Variants in NOL11 observed in about 807,000 individuals in gnomAD.
NOL11 encodes nucleolar protein 11.
NOL11 carries 42 observed loss-of-function variants against 93.0 expected under a neutral mutation model. That is an observed-to-expected ratio of 0.45 (90% CI 0.35 to 0.58). NOL11 has a LOEUF of 0.58. Among genes scored for constraint, NOL11 ranks in the 20% least tolerant of loss-of-function variants. The probability of loss-of-function intolerance (pLI) is 0.00; values close to 1 mark genes in which losing one functional copy is unlikely to be tolerated. For missense variants in NOL11, 775 were observed against 841.8 expected, an observed-to-expected ratio of 0.92 and a Z score of 0.98; for synonymous variants, 296 against 293.7, an observed-to-expected ratio of 1.01 and a Z score of -0.08.
At chr17:67,735,513 T>A (rs912041077) in intron 8 of NOL11, among the ~76,000 whole-genome samples, 2 of 152,062 alleles carry the variant, frequency 1.3e-5, no homozygotes, top group Admixed American at 1.3e-4. Context: ...TGTCTTATTT[T>A]TACAATCATA....
intron 5 of NOL11, 96 bp from the exon 6 acceptor site, chr17:67,723,953 T>G (rs1018840646): frequency 5.2e-5 from 40 of 775,752 alleles, no homozygotes; most frequent in Non-Finnish European, 7.8e-5. Context: ...TACTCATTGA[T>G]GTAAGTAGAA....
At chr17:67,727,638 C>G (rs898422029) in intron 7 of NOL11, among the ~76,000 whole-genome samples, 1 of 150,760 alleles carries the variant, frequency 6.6e-6, no homozygotes, top group Admixed American at 6.6e-5. Context: ...GCCTGGGCAA[C>G]AAGAGCGAAA....
intron 3 of NOL11, chr17:67,720,277 G>A (rs1190304040): frequency 5.6e-6 from 1 of 177,700 alleles, no homozygotes; most frequent in South Asian, 1.7e-4. Flanking sequence ...GACCCTGCAA[G>A]TTTCGTGTAT....
intron 8 of NOL11, among the ~76,000 whole-genome samples, chr17:67,734,914 ACTTC>A (rs1411065077): frequency 1.3e-5 from 2 of 152,202 alleles, no homozygotes; most frequent in Non-Finnish European, 2.9e-5. Context: ...TGTTGAAATC[ACTTC>A]CAAAATTCTA....
At chr17:67,733,319 C>G (rs911130992) in intron 7 of NOL11, among the ~76,000 whole-genome samples, 4 of 152,182 alleles carry the variant, frequency 2.6e-5, no homozygotes, top group East Asian at 3.9e-4. Flanking sequence ...GAGCCAAGAT[C>G]GTGCCACTGC....
At chr17:67,724,332 C>CTTTTT (rs34287872) in intron 6 of NOL11, 139 bp downstream of exon 6, 4 of 250,744 alleles carry the variant, frequency 1.6e-5, no homozygotes, top group Non-Finnish European at 2.1e-5. Context: ...CATGCCTTCA[C>CTTTTT]TTTTTTTTTT....
At chr17:67,738,398 A>G (rs1542610) in intron 14 of NOL11, 43 bp downstream of exon 14, 1,131,177 of 1,277,716 alleles carry the variant, frequency 0.89, 501,157 homozygotes, top group East Asian at 0.96. Context: ...TCTTTATAGG[A>G]TATAGTTATA....
At chr17:67,733,197 T>C (rs567915956) in intron 7 of NOL11, among the ~76,000 whole-genome samples, 1 of 151,850 alleles carries the variant, frequency 6.6e-6, no homozygotes, top group Non-Finnish European at 1.5e-5. Flanking sequence ...AACCCCTGTC[T>C]CTACTAAAAT....
intron 7 of NOL11, among the ~76,000 whole-genome samples, chr17:67,731,953 C>T (rs1055009881): frequency 4.6e-5 from 7 of 152,056 alleles, no homozygotes; most frequent in African/African-American, 1.7e-4. Flanking sequence ...TGTTTAGGCC[C>T]CTTACAATTA....
intron 6 of NOL11, among the ~76,000 whole-genome samples, chr17:67,726,089 A>G (rs1033050325): frequency 6.6e-6 from 1 of 152,182 alleles, no homozygotes; most frequent in Admixed American, 6.5e-5. Flanking sequence ...CTGTCTCAAA[A>G]AAACAAACAA....
intron 8 of NOL11, among the ~76,000 whole-genome samples, chr17:67,735,430 TATC>T (rs1026731563): frequency 6.6e-6 from 1 of 152,084 alleles, no homozygotes; most frequent in African/African-American, 2.4e-5. Context: ...TTATTTGTTT[TATC>T]ATTTTATTAT....
chr17:67,727,572 G>A (rs923346819), intron 7 of NOL11, among the ~76,000 whole-genome samples: 1 of 151,976 alleles, frequency 6.6e-6, no homozygotes, highest in Admixed American at 6.6e-5. Flanking sequence ...CAGGAGGATC[G>A]CTTGAACCTG....
At position 67,717,958 on chromosome 17, in the gene NOL11, T is replaced by TA; in HGVS notation, c.11_12insA (p.Glu5GlyfsTer16). ...TTAGGTTTGCTCAAAATGGCAGCGC[T>TA]GGAGGAAGAATTCACGTTGTCTTCG... is the stretch of plus-strand genomic sequence containing the variant. On this transcript the variant is annotated frameshift_variant, in exon 1 of 18. Coordinates refer to ENST00000253247, the MANE Select transcript of NOL11 (RefSeq NM_015462.5). LOFTEE classifies it high-confidence loss of function. The TA allele has an allele frequency of 6.2e-7, 1 of 1,614,176 alleles. No homozygotes were observed. Among genetic ancestry groups the TA allele is most frequent in the Non-Finnish European group, 8.5e-7 (1 of 1,180,014 alleles).
chr17:67,721,390 G>A lies in NOL11; in HGVS notation c.325G>A (p.Val109Ile), dbSNP rs1407104876. ...TATGTTCTTCCAGTTGTCAGCAGAA[G>A]TATATAGGATACTTTCAGTGCAAGG... is the stretch of plus-strand genomic sequence containing the variant. ...KVFKATLSAEVYRILSVQGTE... is the reference protein window; with the variant it reads ...KVFKATLSAEIYRILSVQGTE... The change falls in exon 4 of 18, where the codon GTA (valine) becomes ATA (isoleucine). Residue 109 changes from valine to isoleucine, a missense_variant. Physicochemically the swap from Val to Ile is conservative, Grantham distance 29. Transcript: ENST00000253247. The A allele has an allele frequency of 3.2e-6, 5 of 1,583,262 alleles. No homozygotes were observed. The highest frequency in any genetic ancestry group is 4.3e-6 in the Non-Finnish European group (5 of 1,169,372).
intron 11 of NOL11, 139 bp from the exon 12 acceptor site, chr17:67,737,369 C>A: frequency 1.3e-6 from 1 of 759,690 alleles, no homozygotes; most frequent in Non-Finnish European, 2.1e-6. Context: ...TCTCATTTAA[C>A]TTTGCAGTGT....
chr17:67,731,820 C>T (rs575743641), intron 7 of NOL11, among the ~76,000 whole-genome samples: 34 of 152,292 alleles, frequency 2.2e-4, no homozygotes, highest in African/African-American at 7.9e-4. Flanking sequence ...CCCTAGATGA[C>T]TCTCAATCTA....
At chr17:67,742,921 T>C (rs556056408) in intron 16 of NOL11, among the ~76,000 whole-genome samples, 1 of 152,304 alleles carries the variant, frequency 6.6e-6, no homozygotes, top group African/African-American at 2.4e-5. Context: ...TGAAAATTAT[T>C]GAAACTGAAA....
At chr17:67,732,415 C>T (rs543917990) in intron 7 of NOL11, among the ~76,000 whole-genome samples, 1 of 148,110 alleles carries the variant, frequency 6.8e-6, no homozygotes, top group Non-Finnish European at 1.5e-5. Context: ...CACTTGAACC[C>T]GAGAGGTGGA....
intron 7 of NOL11, among the ~76,000 whole-genome samples, chr17:67,730,965 A>G (rs1036377340): frequency 1.3e-5 from 2 of 152,160 alleles, no homozygotes; most frequent in African/African-American, 4.8e-5. Context: ...TGGCCATTCT[A>G]GTGGGTGTGA....
Sources: allele counts gnomAD v4.1 joint callset (sites outside exome capture counted in the v4.1 genomes callset), GRCh38; gene constraint gnomAD v4.1.1; transcripts MANE v1.5; gene names NCBI Gene and HGNC (gene_info 2026-07-23, HGNC 2026-07-21).